YBX3: variants seen among roughly 807,000 people sequenced by gnomAD.
The protein encoded by YBX3 is Y-box binding protein 3, also known as Y-box-binding protein 3.
YBX3 carries 29 observed loss-of-function variants against 42.4 expected under a neutral mutation model. The ratio of observed to expected loss-of-function variants is 0.68; its 90% CI spans 0.51 to 0.93. The LOEUF (loss-of-function observed/expected upper bound fraction) is 0.93. YBX3 is among the 40% of genes least tolerant of loss of function. The pLI, the probability that YBX3 is intolerant of heterozygous loss-of-function variation, is 0.00. For missense variants in YBX3, 517 were observed against 527.5 expected, an observed-to-expected ratio of 0.98 and a Z score of 0.19; for synonymous variants, 195 against 189.8, an observed-to-expected ratio of 1.03 and a Z score of -0.22.
rs1188505174 is a variant in YBX3, at chr12:10,699,209, T to C, written c.*480A>G. 1.3e-5 allele frequency: 2 copies of C among 151,842 alleles called. No individual in the cohort carries two copies. Among genetic ancestry groups the C allele is most frequent in the African/African-American group, 2.4e-5 (1 of 41,044 alleles). 9.4% of individuals were successfully genotyped at this position (151,842 alleles called of 1,614,324 possible). A position where few individuals can be genotyped will look rare whatever the true frequency, so the allele number is the denominator to read the frequency against. On this transcript the variant is annotated 3_prime_UTR_variant, in exon 10 of 10. Coordinates refer to ENST00000228251, the MANE Select transcript of YBX3 (RefSeq NM_003651.5). ...ATCCTAGAAATAAATAAGAAGGACA[T>C]AAATTTTTTTTTTTTTTAAATCATG...
chr12:10,718,126 T>A lies in YBX3; in HGVS notation c.327-5A>T. On this transcript the variant is annotated splice_region_variant and splice_polypyrimidine_tract_variant and intron_variant, in intron 2 of 9. Coordinates refer to ENST00000228251, the MANE Select transcript of YBX3 (RefSeq NM_003651.5). The stretch of plus-strand genomic sequence containing the variant: ...ACATCTTCTTTGGTGTCATTTCTGT[T>A]GAAAGACAAAAAGCTCACAATTAAA... 2 of 1,612,046 alleles carry A rather than the reference T, an allele frequency of 1.2e-6. No individual in the cohort carries two copies.
intron 3 of YBX3, among the ~76,000 whole-genome samples, chr12:10,716,870 A>C (rs2120974016): frequency 6.6e-6 from 1 of 152,262 alleles, no homozygotes; most frequent in Non-Finnish European, 1.5e-5. Context: ...AAACTGGGCA[A>C]GCCTCAACAC....
intron 3 of YBX3, 82 bp downstream of exon 3, chr12:10,718,006 G>T: frequency 8.4e-7 from 1 of 1,184,530 alleles, no homozygotes. Context: ...TAATCCATAG[G>T]ACTTACTTTT....
At chr12:10,703,459 C>A in intron 7 of YBX3, 1 of 278,540 alleles carries the variant, frequency 3.6e-6, no homozygotes. Flanking sequence ...GTAATAATAT[C>A]TAATACATAG....
chr12:10,719,170 A>G (rs1488445902), intron 1 of YBX3, 27 bp from the exon 2 acceptor site: 1 of 1,589,272 alleles, frequency 6.3e-7, no homozygotes, highest in Admixed American at 1.7e-5. Flanking sequence ...CAGATAAATT[A>G]GTATCTGACC....
intron 5 of YBX3, chr12:10,711,886 C>T (rs937475589): frequency 6.6e-6 from 1 of 152,106 alleles, no homozygotes. Context: ...TTTGAATTAA[C>T]CTGGGAGTCA....
chr12:10,700,562 G>T (rs1239505094), intron 9 of YBX3, among the ~76,000 whole-genome samples: 2 of 152,072 alleles, frequency 1.3e-5, no homozygotes, highest in African/African-American at 4.8e-5. Flanking sequence ...GAAAAAAGTA[G>T]AAAATGACAA....
Position 10,701,284 on chromosome 12 carries a change from G to C in YBX3, c.*4C>G, listed in dbSNP as rs779286025. On this transcript the variant is annotated 3_prime_UTR_variant, in exon 9 of 10. Transcript: ENST00000228251. Reference sequence around the variant, plus strand: ...GATGGTGAAGGTGCCTGAGGAGCCTGGTGTTACTCAGCACTGCTCTGCTGG... The same window carrying C: ...GATGGTGAAGGTGCCTGAGGAGCCTCGTGTTACTCAGCACTGCTCTGCTGG... 1.2e-5 allele frequency: 9 copies of C among 780,410 alleles called. No individual in the cohort carries two copies. The highest frequency in any genetic ancestry group is 2.2e-5 in the Non-Finnish European group (9 of 418,118). 48.3% of individuals were successfully genotyped at this position (780,410 alleles called of 1,614,324 possible).
rs1372932256 is a variant in YBX3 at position 10,723,019 on chromosome 12, C to T, written c.93G>A (p.Ala31=). The change falls in exon 1 of 10, where the codon GCG becomes GCA. Residue 31 remains alanine (A), a synonymous_variant. Coordinates refer to ENST00000228251, the MANE Select transcript of YBX3 (RefSeq NM_003651.5). ...CACCGCTGCCCACCGGGCTCTTGGGCGCGGGGTCCTGGGGAGCCGCGGCGG... is the reference window on the plus strand; with the variant it reads ...CACCGCTGCCCACCGGGCTCTTGGGTGCGGGGTCCTGGGGAGCCGCGGCGG... ...EAAAAAPQDP[A]PKSPVGSGAP... is the part of the protein sequence containing the mutation. The T allele has an allele frequency of 2.5e-6, 3 of 1,207,622 alleles. No individual in the cohort carries two copies. Among genetic ancestry groups the T allele is most frequent in the Non-Finnish European group, 3.1e-6 (3 of 974,500 alleles). 74.8% of individuals were successfully genotyped at this position (1,207,622 alleles called of 1,614,324 possible).
chr12:10,710,262 A>G, intron 5 of YBX3, 148 bp from the exon 6 acceptor site: 1 of 1,515,936 alleles, frequency 6.6e-7, no homozygotes, highest in Non-Finnish European at 8.8e-7. Context: ...TTTAACCCAG[A>G]TTATCATGTG....
rs1565588538 is a variant in YBX3, at chr12:10,709,987, TGCCGGTACTGAG to T, written c.689_700del (p.Pro230_Arg233del). The T allele has an allele frequency of 1.9e-6, 3 of 1,614,214 alleles. No homozygotes were observed. Among genetic ancestry groups the T allele is most frequent in the Non-Finnish European group, 2.5e-6 (3 of 1,180,026 alleles). On this transcript the variant is annotated inframe_deletion, in exon 6 of 10. Coordinates refer to ENST00000228251, the MANE Select transcript of YBX3 (RefSeq NM_003651.5). ...CACGTGGTAAGGCGGGAACCGCCGC[TGCCGGTACTGAG>T]GGCGATACTGGGGGCGGCGCAGCTG...
intron 6 of YBX3, among the ~76,000 whole-genome samples, chr12:10,708,862 A>G (rs574849211): frequency 1.3e-5 from 2 of 152,214 alleles, no homozygotes; most frequent in Non-Finnish European, 2.9e-5. Flanking sequence ...GCCAAACACT[A>G]AGGAGGAGTA....
At chr12:10,699,963 TCTC>T (rs1948061154) in intron 9 of YBX3, among the ~76,000 whole-genome samples, 2 of 152,128 alleles carry the variant, frequency 1.3e-5, no homozygotes, top group African/African-American at 4.8e-5. Context: ...CTGCACCCTA[TCTC>T]CTAATATGAA....
chr12:10,715,091 A>C (rs1461352853), intron 4 of YBX3, among the ~76,000 whole-genome samples: 2 of 152,122 alleles, frequency 1.3e-5, no homozygotes, highest in Admixed American at 6.5e-5. Flanking sequence ...AAGATAGTTA[A>C]ATTTTAATCT....
chr12:10,707,886 G>A (rs1032769990), intron 6 of YBX3, among the ~76,000 whole-genome samples: 3 of 152,298 alleles, frequency 2.0e-5, no homozygotes, highest in East Asian at 3.9e-4. Context: ...AGCAATTAAC[G>A]TGTATAAAGG....
At chr12:10,710,253 T>G in intron 5 of YBX3, 139 bp from the exon 6 acceptor site, 1 of 1,520,904 alleles carries the variant, frequency 6.6e-7, no homozygotes. Flanking sequence ...CAAAATGCAT[T>G]TAACCCAGAT....
chr12:10,703,718 CCT>C, intron 7 of YBX3: 1 of 314,674 alleles, frequency 3.2e-6, no homozygotes, highest in Non-Finnish European at 6.2e-6. Context: ...TCCCAAATAT[CCT>C]CTGACACTCA....
intron 5 of YBX3, chr12:10,710,555 C>T: frequency 8.4e-7 from 1 of 1,194,654 alleles, no homozygotes; most frequent in South Asian, 1.5e-5. Context: ...AAGTGGTATT[C>T]TTCCTACAAG....
In YBX3 at chr12:10,721,346, T is replaced by C. The variant is rs1180347647; in HGVS notation, c.262+1504A>G. Among the ~76,000 whole-genome samples, 3 of 152,240 alleles carry C rather than the reference T, an allele frequency of 2.0e-5. No individual in the cohort carries two copies. In the East Asian group the frequency reaches 5.8e-4, roughly 29 times the overall value. On this transcript the variant is annotated intron_variant, in intron 1 of 9. Transcript: ENST00000228251. The stretch of plus-strand genomic sequence containing the variant: ...TCATCTTTAAAGATAGTATCTGCTT[T>C]CCCAATCTCAGAACAGTACAGGATT...
Sources: allele counts gnomAD v4.1 joint callset (sites outside exome capture counted in the v4.1 genomes callset), GRCh38; gene constraint gnomAD v4.1.1; transcripts MANE v1.5; gene names NCBI Gene and HGNC (gene_info 2026-07-23, HGNC 2026-07-21).